The following RSPH9 variants were observed in gnomAD, a reference collection of about 807,000 sequenced individuals.
The protein encoded by RSPH9 is radial spoke head protein 9 homolog.
RSPH9 carries 27 observed loss-of-function variants against 27.0 expected under a neutral mutation model. The observed-to-expected ratio is 1.00, with a 90% CI of 0.74 to 1.38. RSPH9 has a LOEUF of 1.38. Among genes scored for constraint, RSPH9 ranks in the 40% most tolerant of loss-of-function variants. RSPH9 has a pLI of 0.00. For missense variants in RSPH9, 347 were observed against 357.4 expected, an observed-to-expected ratio of 0.97 and a Z score of 0.24; for synonymous variants, 145 against 147.7, an observed-to-expected ratio of 0.98 and a Z score of 0.13.
chr6:43,671,667 G>C lies in RSPH9; in HGVS notation c.*718G>C. ...GGAGGGACCAGGCCATCGTGGTGGG[G>C]TGGGACAGGAGTATAGTTGTGGCCA... is the stretch of plus-strand genomic sequence containing the variant. On this transcript the variant is annotated 3_prime_UTR_variant, in exon 5 of 5. Coordinates refer to ENST00000372163, the MANE Select transcript of RSPH9 (RefSeq NM_152732.5). 6.9e-7 allele frequency: 1 copy of C among 1,447,366 alleles called. No individual in the cohort carries two copies. The highest frequency in any genetic ancestry group is 9.6e-7 in the Non-Finnish European group (1 of 1,037,726). The allele number at this position is 1,447,366 out of a possible 1,614,324, so 89.7% of individuals were successfully genotyped here. A position where few individuals can be genotyped will look rare whatever the true frequency, so the allele number is the denominator to read the frequency against.
chr6:43,650,121 C>A (rs1002778720), intron 1 of RSPH9, among the ~76,000 whole-genome samples: 4 of 152,152 alleles, frequency 2.6e-5, no homozygotes, highest in Admixed American at 2.6e-4. Flanking sequence ...ACCATGTTGG[C>A]CAGGCTGGTC....
At chr6:43,645,461 A>C in intron 1 of RSPH9, 136 bp downstream of exon 1, 3 of 664,728 alleles carry the variant, frequency 4.5e-6, no homozygotes, top group Middle Eastern at 4.7e-4. Context: ...GATGAGTGGA[A>C]TGGGGGAGAC....
intron 4 of RSPH9, among the ~76,000 whole-genome samples, chr6:43,669,650 G>A (rs575610411): frequency 6.6e-6 from 1 of 152,382 alleles, no homozygotes; most frequent in South Asian, 2.1e-4. Flanking sequence ...CTTTCTGGCA[G>A]GGCCTGGAGC....
At chr6:43,646,162 C>T (rs908325273) in intron 1 of RSPH9, among the ~76,000 whole-genome samples, 54 of 150,148 alleles carry the variant, frequency 3.6e-4, no homozygotes, top group Non-Finnish European at 5.5e-4. Flanking sequence ...GACGGAGTCT[C>T]GCTCTGTCGC....
At chr6:43,663,759 G>A (rs1772860645) in intron 4 of RSPH9, among the ~76,000 whole-genome samples, 1 of 152,120 alleles carries the variant, frequency 6.6e-6, no homozygotes, top group South Asian at 2.1e-4. Flanking sequence ...GCTGAGTGCG[G>A]TGACTCATGC....
At chr6:43,660,380 G>A (rs1289218761) in intron 4 of RSPH9, among the ~76,000 whole-genome samples, 10 of 152,020 alleles carry the variant, frequency 6.6e-5, no homozygotes, top group Admixed American at 6.6e-4. Context: ...CATCCATGAG[G>A]GTTGGAATCA....
intron 4 of RSPH9, among the ~76,000 whole-genome samples, chr6:43,669,285 T>C (rs147630809): frequency 3.3e-5 from 5 of 152,302 alleles, no homozygotes; most frequent in East Asian, 1.9e-4. Context: ...AGCTTTGCGA[T>C]TGGCTTCTCC....
chr6:43,672,136 C>G lies in RSPH9; in HGVS notation c.*1187C>G. 3.4e-6 allele frequency: 2 copies of G among 594,008 alleles called. No individual in the cohort carries two copies. Among genetic ancestry groups the G allele is most frequent in the South Asian group, 4.1e-5 (2 of 48,712 alleles). The allele number at this position is 594,008 out of a possible 1,614,324, so 36.8% of individuals were successfully genotyped here. A position where few individuals can be genotyped will look rare whatever the true frequency, so the allele number is the denominator to read the frequency against. ...GCCTGTGTGGCCAGGTTCAGGCAGC[C>G]CAGGGCCACAAGCTCCCTTGATCTT... On this transcript the variant is annotated 3_prime_UTR_variant, in exon 5 of 5. Coordinates refer to ENST00000372163, the MANE Select transcript of RSPH9 (RefSeq NM_152732.5).
At chr6:43,668,459 C>T (rs1366432629) in intron 4 of RSPH9, among the ~76,000 whole-genome samples, 1 of 152,138 alleles carries the variant, frequency 6.6e-6, no homozygotes, top group Non-Finnish European at 1.5e-5. Context: ...TGCCCCCTGC[C>T]AGGCGGGGGC....
intron 2 of RSPH9, among the ~76,000 whole-genome samples, chr6:43,655,112 G>GT (rs1392721066): frequency 6.6e-6 from 1 of 152,176 alleles, no homozygotes; most frequent in Non-Finnish European, 1.5e-5. Flanking sequence ...ATTATGAGTG[G>GT]TTTTAGTTAT....
intron 3 of RSPH9, 46 bp from the exon 4 acceptor site, chr6:43,656,531 G>C (rs751231259): frequency 1.1e-5 from 17 of 1,612,804 alleles, no homozygotes; most frequent in African/African-American, 1.3e-5. Context: ...GGGGGCTGGG[G>C]GGTTTTGGGC....
chr6:43,647,709 T>A (rs1473361246), intron 1 of RSPH9, among the ~76,000 whole-genome samples: 1 of 152,148 alleles, frequency 6.6e-6, no homozygotes, highest in Admixed American at 6.6e-5. Flanking sequence ...AGTACAGATG[T>A]AGAATACAGA....
At chr6:43,663,348 A>C (rs1363050918) in intron 4 of RSPH9, among the ~76,000 whole-genome samples, 1 of 151,908 alleles carries the variant, frequency 6.6e-6, no homozygotes, top group Non-Finnish European at 1.5e-5. Context: ...CCTCCTGAGT[A>C]GCCGGGATTA....
intron 4 of RSPH9, among the ~76,000 whole-genome samples, chr6:43,661,015 A>G (rs1216425308): frequency 6.6e-6 from 1 of 152,214 alleles, no homozygotes; most frequent in Non-Finnish European, 1.5e-5. Flanking sequence ...GTACATCTCC[A>G]TCAGAGCACA....
At chr6:43,653,353 A>G (rs1771672238) in intron 2 of RSPH9, among the ~76,000 whole-genome samples, 1 of 149,160 alleles carries the variant, frequency 6.7e-6, no homozygotes, top group African/African-American at 2.5e-5. Context: ...AGGCTGAGGC[A>G]GGAGAATGGC....
At chr6:43,654,359 A>G (rs1468888873) in intron 2 of RSPH9, among the ~76,000 whole-genome samples, 1 of 152,220 alleles carries the variant, frequency 6.6e-6, no homozygotes. Context: ...GAAGGATATG[A>G]AACAATATAA....
intron 4 of RSPH9, among the ~76,000 whole-genome samples, chr6:43,660,683 T>C (rs1306366916): frequency 6.6e-6 from 1 of 152,150 alleles, no homozygotes; most frequent in Non-Finnish European, 1.5e-5. Flanking sequence ...CAGGGTAGTC[T>C]CAATCTCCTG....
chr6:43,649,127 A>G (rs532941445), intron 1 of RSPH9, among the ~76,000 whole-genome samples: 1 of 152,164 alleles, frequency 6.6e-6, no homozygotes, highest in South Asian at 2.1e-4. Context: ...TTCTAGAAGG[A>G]CATGGATTTG....
chr6:43,648,391 A>T (rs1184145570), intron 1 of RSPH9, among the ~76,000 whole-genome samples: 1 of 152,238 alleles, frequency 6.6e-6, no homozygotes, highest in East Asian at 1.9e-4. Flanking sequence ...AGCTATGTAA[A>T]TATCTGAGGG....
Sources: allele counts gnomAD v4.1 joint callset (sites outside exome capture counted in the v4.1 genomes callset), GRCh38; gene constraint gnomAD v4.1.1; transcripts MANE v1.5; gene names NCBI Gene and HGNC (gene_info 2026-07-23, HGNC 2026-07-21).